The following EMSY variants were observed in gnomAD, a reference collection of about 807,000 sequenced individuals.
EMSY encodes the protein EMSY transcriptional repressor, BRCA2 interacting.
A neutral mutation model predicts 134.6 loss-of-function variants in EMSY; 26 were observed. That is an observed-to-expected ratio of 0.19 (90% CI 0.14 to 0.27). The LOEUF (loss-of-function observed/expected upper bound fraction) is 0.27. EMSY is among the 10% of genes least tolerant of loss of function. The pLI is 1.00. For missense variants in EMSY, 1,305 were observed against 1,611.4 expected (o/e 0.81, Z 3.26); for synonymous variants, 579 against 577.8 (o/e 1.00, Z -0.03).
rs767479589 is a variant in EMSY, at chr11:76,464,092, A to T, written c.831+12A>T. The T allele has an allele frequency of 1.4e-5, 23 of 1,613,784 alleles. 1 individual carries two copies. In the East Asian group the frequency reaches 5.1e-4, roughly 36 times the overall value. On this transcript the variant is annotated intron_variant, in intron 7 of 20. Coordinates refer to ENST00000334736, the Ensembl canonical transcript of EMSY. ...CAACAACACAGAAGGTATGTGGTGG[A>T]GGGAGTCTCTGCCTGCCAATTGTTT...
At chr11:76,498,821 T>C (rs1949746338) in intron 9 of EMSY, among the ~76,000 whole-genome samples, 1 of 152,240 alleles carries the variant, frequency 6.6e-6, no homozygotes, top group Non-Finnish European at 1.5e-5. Context: ...TAGCCACTCC[T>C]ATTTTCTTTT....
chr11:76,489,045 G>A (rs1223250518), intron 8 of EMSY, among the ~76,000 whole-genome samples: 1 of 152,192 alleles, frequency 6.6e-6, no homozygotes. Context: ...CACCATGACT[G>A]GCTTAGATCA....
intron 9 of EMSY, among the ~76,000 whole-genome samples, chr11:76,507,757 C>G (rs74616899): frequency 2.6e-5 from 4 of 152,058 alleles, no homozygotes; most frequent in Non-Finnish European, 5.9e-5. Context: ...GCATCTAGAA[C>G]AGTGAATCCT....
intron 18 of EMSY, 118 bp downstream of exon 19, chr11:76,542,485 CT>C (rs983125332): frequency 9.1e-5 from 119 of 1,303,468 alleles, no homozygotes; most frequent in Non-Finnish European, 1.0e-4. Context: ...TTGTGTAATT[CT>C]TTTCTAAGAA....
intron 11 of EMSY, among the ~76,000 whole-genome samples, chr11:76,521,667 G>T (rs1257348725): frequency 1.3e-5 from 2 of 151,834 alleles, no homozygotes; most frequent in Non-Finnish European, 2.9e-5. Flanking sequence ...AAGAGGCTGA[G>T]ATGGGAGGAT....
chr11:76,542,715 T>G (rs1000851185), intron 18 of EMSY, among the ~76,000 whole-genome samples: 2 of 151,782 alleles, frequency 1.3e-5, no homozygotes, highest in African/African-American at 4.8e-5. Flanking sequence ...CTTGTTTAGC[T>G]GTTTGCTGCT....
chr11:76,481,956 A>T (rs577133282), intron 8 of EMSY, among the ~76,000 whole-genome samples: 1 of 152,198 alleles, frequency 6.6e-6, no homozygotes, highest in South Asian at 2.1e-4. Context: ...TGACTGGGAG[A>T]CACCTCCCAG....
At chr11:76,490,738 T>C (rs140383523) in intron 8 of EMSY, among the ~76,000 whole-genome samples, 48 of 152,352 alleles carry the variant, frequency 3.2e-4, no homozygotes, top group Non-Finnish European at 6.2e-4. Flanking sequence ...GTTCATCTTA[T>C]ACTTTTCCTA....
intron 1 of EMSY, 85 bp from the exon 2 acceptor site, chr11:76,446,815 G>A: frequency 1.3e-6 from 1 of 782,406 alleles, no homozygotes; most frequent in Non-Finnish European, 2.1e-6. Context: ...TTACTTCTTA[G>A]CCTGTGACTG....
At chr11:76,513,481 G>A in exon 10 of EMSY, 1 of 1,613,628 alleles carries the variant, frequency 6.2e-7, no homozygotes, top group Non-Finnish European at 8.5e-7. Flanking sequence ...CCCTATTATG[G>A]TGGTTAGCAG....
intron 14 of EMSY, among the ~76,000 whole-genome samples, chr11:76,533,767 G>T (rs988155690): frequency 1.3e-5 from 2 of 152,142 alleles, no homozygotes; most frequent in African/African-American, 4.8e-5. Context: ...TGAGGGACAG[G>T]CTGCCATCTG....
chr11:76,459,876 G>A, intron 5 of EMSY, 57 bp from the exon 7 acceptor site: 1 of 1,577,648 alleles, frequency 6.3e-7, no homozygotes, highest in South Asian at 1.1e-5. Flanking sequence ...TAATTTTTTT[G>A]TATGCCTGGA....
At chr11:76,545,766 T>C in intron 19 of EMSY, 31 bp from the exon 21 acceptor site, 2 of 1,573,194 alleles carry the variant, frequency 1.3e-6, no homozygotes, top group South Asian at 1.2e-5. Context: ...GAGATGTAGC[T>C]ATAACACACA....
chr11:76,488,253 G>T (rs901672615), intron 8 of EMSY, among the ~76,000 whole-genome samples: 1 of 152,200 alleles, frequency 6.6e-6, no homozygotes, highest in Non-Finnish European at 1.5e-5. Context: ...GTTGTTTGAA[G>T]CTAGGAGTTC....
chr11:76,467,871 C>T (rs758086131), intron 7 of EMSY, among the ~76,000 whole-genome samples: 1 of 151,460 alleles, frequency 6.6e-6, no homozygotes, highest in Non-Finnish European at 1.5e-5. Context: ...ACATGCTACT[C>T]GGTAGGCTGA....
intron 8 of EMSY, among the ~76,000 whole-genome samples, chr11:76,473,597 C>T (rs957881245): frequency 2.0e-5 from 3 of 152,114 alleles, no homozygotes; most frequent in African/African-American, 7.2e-5. Flanking sequence ...GCACGAGCCA[C>T]TGTGCTCTGC....
At chr11:76,546,204 T>A in exon 20 of EMSY, 4 of 1,614,130 alleles carry the variant, frequency 2.5e-6, no homozygotes, top group Non-Finnish European at 3.4e-6. Context: ...GGAAAATTGA[T>A]CCACCAGCAG....
intron 9 of EMSY, among the ~76,000 whole-genome samples, chr11:76,498,054 T>C (rs1225560317): frequency 6.6e-6 from 1 of 152,238 alleles, no homozygotes; most frequent in African/African-American, 2.4e-5. Flanking sequence ...ATTCAATTTT[T>C]TGTGTAAGAC....
intron 9 of EMSY, among the ~76,000 whole-genome samples, chr11:76,507,865 C>CTTTTTTTTTTTT (rs55756987): frequency 1.7e-4 from 20 of 118,602 alleles, no homozygotes; most frequent in African/African-American, 2.7e-4. Context: ...TTTTCTTTTT[C>CTTTTTTTTTTTT]TTTTTTTTTT....
Sources: gnomAD v4.1 joint callset for allele counts (sites outside exome capture counted in the v4.1 genomes callset) on GRCh38, gnomAD v4.1.1 for gene constraint, MANE v1.5 for transcripts, NCBI Gene and HGNC (gene_info 2026-07-23, HGNC 2026-07-21) for gene names.